ERCC3: variants seen among roughly 807,000 people sequenced by gnomAD.
ERCC3 encodes ERCC excision repair 3, TFIIH core complex helicase subunit, also known as general transcription and DNA repair factor IIH helicase/translocase subunit XPB.
ERCC3 carries 66 observed loss-of-function variants against 94.2 expected under a neutral mutation model. The observed-to-expected ratio is 0.70, with a 90% CI of 0.57 to 0.86. ERCC3 has a LOEUF of 0.86. ERCC3 is among the 40% of genes least tolerant of loss of function. The pLI is 0.00. For synonymous variants in ERCC3, 349 were observed against 369.1 expected (o/e 0.95, Z 0.63); for missense variants, 829 against 987.1 (o/e 0.84, Z 2.15).
At chr2:127,281,589 G>A (rs949580010) in intron 8 of ERCC3, among the ~76,000 whole-genome samples, 1 of 152,038 alleles carries the variant, frequency 6.6e-6, no homozygotes, top group Non-Finnish European at 1.5e-5. Flanking sequence ...TTGAAAGTAG[G>A]GCTAATGATA....
At chr2:127,268,815 T>G (rs1684460689) in intron 12 of ERCC3, among the ~76,000 whole-genome samples, 1 of 152,246 alleles carries the variant, frequency 6.6e-6, no homozygotes, top group Non-Finnish European at 1.5e-5. Context: ...ATGATTTTTA[T>G]TCCCTTGCTT....
rs1684763761 is a variant in ERCC3, at chr2:127,277,377, G to A, written c.1730+1796C>T. 6.6e-6 allele frequency among the ~76,000 whole-genome samples: 1 copy of A among 152,106 alleles called. No individual in the cohort carries two copies. The highest frequency in any genetic ancestry group is 2.1e-4 in the South Asian group (1 of 4,834). On this transcript the variant is annotated intron_variant, in intron 10 of 14. Coordinates refer to ENST00000285398, the MANE Select transcript of ERCC3 (RefSeq NM_000122.2). This position sits in a 1 kb window ranked among gnomAD's most constrained non-coding sequence, Gnocchi z 5.1. ...ATGACAAGGCAATTATTAACTCCAAGGCAAAAAAACATTTACAAAAAAGAA... is the reference window on the plus strand; with the variant it reads ...ATGACAAGGCAATTATTAACTCCAAAGCAAAAAAACATTTACAAAAAAGAA...
At chr2:127,287,128 C>A in intron 7 of ERCC3, 111 bp from the exon 8 acceptor site, 1 of 809,710 alleles carries the variant, frequency 1.2e-6, no homozygotes. Flanking sequence ...TGTAACAGTC[C>A]ACATAGCTGA....
chr2:127,287,115 T>A, intron 7 of ERCC3, 98 bp from the exon 8 acceptor site: 4 of 921,332 alleles, frequency 4.3e-6, no homozygotes, highest in Non-Finnish European at 6.8e-6. Flanking sequence ...TAGGAAAATG[T>A]CTTGTAACAG....
rs1024727542 is a variant in ERCC3, at chr2:127,287,007, C to T, written c.1038G>A (p.Lys346=). The T allele has an allele frequency of 4.3e-6, 7 of 1,611,780 alleles. No homozygotes were observed. The highest frequency in any genetic ancestry group is 1.7e-5 in the Admixed American group (1 of 59,994). The change falls in exon 8 of 15, where the codon AAG becomes AAA. Residue 346 remains lysine (K), a synonymous_variant. Coordinates refer to ENST00000285398, the MANE Select transcript of ERCC3 (RefSeq NM_000122.2). ...ATGCAGCAGTCACACCAACCAGGGA[C>T]TTTCCAGCACCTACAAGAAACAAGA... is the stretch of plus-strand genomic sequence containing the variant. ...GVIVLPCGAG[K]SLVGVTAACT...
rs1008735003 is a variant in ERCC3 at position 127,259,056 on chromosome 2, C to T, written c.2217+240G>A. On this transcript the variant is annotated intron_variant, in intron 14 of 14. Coordinates refer to ENST00000285398, the MANE Select transcript of ERCC3 (RefSeq NM_000122.2). The surrounding 1 kb of genome is among the most constrained non-coding windows in gnomAD (Gnocchi z 4.9). ...TCAACATCAAGATTTAACAAATACTCGTGTGAGCAAAGCAGGAGACCAGTC... is the reference window on the plus strand; with the variant it reads ...TCAACATCAAGATTTAACAAATACTTGTGTGAGCAAAGCAGGAGACCAGTC... 6.6e-6 allele frequency among the ~76,000 whole-genome samples: 1 copy of T among 152,166 alleles called. No individual in the cohort carries two copies. Among genetic ancestry groups the T allele is most frequent in the African/African-American group, 2.4e-5 (1 of 41,442 alleles).
intron 1 of ERCC3, 107 bp downstream of exon 1, chr2:127,293,947 G>A (rs1272171412): frequency 6.5e-7 from 1 of 1,541,824 alleles, no homozygotes; most frequent in African/African-American, 1.4e-5. Context: ...CGCGCGGGAG[G>A]GCCAGCAGGG....
rs935919893 is a variant in ERCC3 at position 127,288,561 on chromosome 2, A to C, written c.1027+99T>G. On this transcript the variant is annotated intron_variant, in intron 7 of 14. Transcript: ENST00000285398. ...AGTCACCTGATCTTGGCTTTTCAGC[A>C]AGGTGTGATTTAGGGAAATGTGCAG... is the stretch of plus-strand genomic sequence containing the variant. 98 of 1,053,868 alleles carry C rather than the reference A, an allele frequency of 9.3e-5. No homozygotes were observed. In the Middle Eastern group the frequency reaches 1.2e-3, roughly 12 times the overall value. 65.3% of individuals were successfully genotyped at this position (1,053,868 alleles called of 1,614,324 possible).
rs2104770710 is a variant in ERCC3, at chr2:127,286,721, C to T, written c.1324G>A (p.Glu442Lys). The change falls in exon 8 of 15, where the codon GAA becomes AAA. Residue 442 changes from glutamate to lysine, a missense_variant. Transcript: ENST00000285398. ...TGCTTACCTGGTATGGTGTGCACTT[C>T]ATCCAGGATCATGAGGCCCCACTCC... is the stretch of plus-strand genomic sequence containing the variant. ...TQEWGLMILD[E>K]VHTIPAKMFR... 6.2e-7 allele frequency: 1 copy of T among 1,614,136 alleles called. No homozygotes were observed. The highest frequency in any genetic ancestry group is 8.5e-7 in the Non-Finnish European group (1 of 1,179,986).
Position 127,294,129 on chromosome 2 carries a change from C to A in ERCC3, c.-48G>T. ...AGATGACCCCGCTCCCACAGGCCCGCCGCGGCATCCGCTCTGGGGGGACTT... is the reference window on the plus strand; with the variant it reads ...AGATGACCCCGCTCCCACAGGCCCGACGCGGCATCCGCTCTGGGGGGACTT... On this transcript the variant is annotated 5_prime_UTR_variant, in exon 1 of 15. Coordinates refer to ENST00000285398, the MANE Select transcript of ERCC3 (RefSeq NM_000122.2). The A allele has an allele frequency of 6.3e-7, 1 of 1,593,680 alleles. No homozygotes were observed. Among genetic ancestry groups the A allele is most frequent in the South Asian group, 1.1e-5 (1 of 89,894 alleles).
intron 12 of ERCC3, among the ~76,000 whole-genome samples, chr2:127,269,293 G>A (rs1684473452): frequency 6.6e-6 from 1 of 152,064 alleles, no homozygotes. Flanking sequence ...TCAAATGTCA[G>A]TAGGTTAAGC....
rs1472213327 is a variant in ERCC3, at chr2:127,271,494, A to G, written c.1828-41T>C. ...GGAAGGTTTTTATATATGAGGAAAAAAAAAAAGTCAACTGATCCAGAATTT... is the reference window on the plus strand; with the variant it reads ...GGAAGGTTTTTATATATGAGGAAAAGAAAAAAGTCAACTGATCCAGAATTT... On this transcript the variant is annotated intron_variant, in intron 11 of 14. Transcript: ENST00000285398. This position sits in a 1 kb window ranked among gnomAD's most constrained non-coding sequence, Gnocchi z 5.0. 2 of 1,344,052 alleles carry G rather than the reference A, an allele frequency of 1.5e-6. No individual in the cohort carries two copies. The highest frequency in any genetic ancestry group is 1.7e-5 in the Admixed American group (1 of 59,070). 83.3% of individuals were successfully genotyped at this position (1,344,052 alleles called of 1,614,324 possible). A position where few individuals can be genotyped will look rare whatever the true frequency, so the allele number is the denominator to read the frequency against.
intron 7 of ERCC3, 49 bp from the exon 8 acceptor site, chr2:127,287,066 G>A (rs1685097915): frequency 7.0e-7 from 1 of 1,424,036 alleles, no homozygotes; most frequent in African/African-American, 1.4e-5. Context: ...TTGAAATGAA[G>A]GACAGGGACA....
In ERCC3 at chr2:127,288,721, C is replaced by T. The variant is rs1477763321; in HGVS notation, c.966G>A (p.Lys322=). Residue 322 remains lysine, a synonymous_variant, in exon 7 of 15, where the codon AAG becomes AAA. Coordinates refer to ENST00000285398, the MANE Select transcript of ERCC3 (RefSeq NM_000122.2). The part of the protein sequence containing the change: ...PTAVLRPYQE[K]SLRKMFGNGR... ...CGTTTCCAAACATCTTTCGCAAGCT[C>T]TTCTCCTGATAGGGTCTGAGGACAG... 6.2e-7 allele frequency: 1 copy of T among 1,614,176 alleles called. No homozygotes were observed. Among genetic ancestry groups the T allele is most frequent in the Admixed American group, 1.7e-5 (1 of 60,020 alleles).
chr2:127,293,372 C>A (rs913623584), intron 2 of ERCC3, 141 bp downstream of exon 2: 5 of 813,758 alleles, frequency 6.1e-6, no homozygotes, highest in South Asian at 1.6e-5. Context: ...TTGGGCTGTT[C>A]CAACGTGTGT....
Position 127,280,333 on chromosome 2 carries a change from T to C in ERCC3, c.1527+114A>G. ...TGACTGAGGATCCTGTATGAAGTGGTAGCAGGTGAGCCTAAGTCCTGACCT... is the reference window on the plus strand; with the variant it reads ...TGACTGAGGATCCTGTATGAAGTGGCAGCAGGTGAGCCTAAGTCCTGACCT... On this transcript the variant is annotated intron_variant, in intron 9 of 14. Coordinates refer to ENST00000285398, the MANE Select transcript of ERCC3 (RefSeq NM_000122.2). The surrounding 1 kb of genome is among the most constrained non-coding windows in gnomAD (Gnocchi z 6.3). The C allele has an allele frequency of 6.4e-6, 6 of 933,044 alleles. No homozygotes were observed. Among genetic ancestry groups the C allele is most frequent in the Admixed American group, 2.0e-5 (1 of 50,130 alleles). The allele number at this position is 933,044 out of a possible 1,614,324, so 57.8% of individuals were successfully genotyped here.
At position 127,270,528 on chromosome 2, in the gene ERCC3, T is replaced by A. The variant is rs1684514038; in HGVS notation, c.1945+808A>T. Among the ~76,000 whole-genome samples, 4 of 152,232 alleles carry A rather than the reference T, an allele frequency of 2.6e-5. No homozygotes were observed. In the South Asian group the frequency reaches 8.3e-4, roughly 32 times the overall value. On this transcript the variant is annotated intron_variant, in intron 12 of 14. Transcript: ENST00000285398. ...CATCTCCATTTTAAATACAAGCTAC[T>A]AGACGCTTCTTAAACACATCTGAAC...
intron 10 of ERCC3, among the ~76,000 whole-genome samples, chr2:127,278,531 T>C (rs765232234): frequency 9.2e-5 from 14 of 152,188 alleles, no homozygotes; most frequent in Non-Finnish European, 1.5e-4. Flanking sequence ...GTAAAACCTA[T>C]GTATAGTACC....
intron 13 of ERCC3, 38 bp downstream of exon 13, chr2:127,261,190 T>C (rs1264733174): frequency 8.1e-7 from 1 of 1,236,834 alleles, no homozygotes; most frequent in African/African-American, 1.5e-5. Flanking sequence ...CAAGAAGGCC[T>C]TGGTCCTAGT....
Sources: allele counts gnomAD v4.1 joint callset (sites outside exome capture counted in the v4.1 genomes callset), GRCh38; gene constraint gnomAD v4.1.1; non-coding constraint Gnocchi (gnomAD v3.1); transcripts MANE v1.5; gene names NCBI Gene and HGNC (gene_info 2026-07-23, HGNC 2026-07-21).